ELAPOR2: variants seen among roughly 807,000 people sequenced by gnomAD.
ELAPOR2 encodes the protein endosome-lysosome associated apoptosis and autophagy regulator family member 2.
A neutral mutation model predicts 120.7 loss-of-function variants in ELAPOR2; 89 were observed. The ratio of observed to expected loss-of-function variants is 0.74; its 90% CI spans 0.62 to 0.88. ELAPOR2 has a LOEUF of 0.88. Among genes scored for constraint, ELAPOR2 ranks in the 40% least tolerant of loss-of-function variants. The pLI, the probability that ELAPOR2 is intolerant of heterozygous loss-of-function variation, is 0.00. For synonymous variants in ELAPOR2, 444 were observed against 444.9 expected (o/e 1.00, Z 0.03); for missense variants, 1,134 against 1,251.6 (o/e 0.91, Z 1.42).
chr7:87,049,917 G>T (rs1381812181), intron 1 of ELAPOR2, among the ~76,000 whole-genome samples: 1 of 152,178 alleles, frequency 6.6e-6, no homozygotes, highest in Non-Finnish European at 1.5e-5. Context: ...CCTCATATAT[G>T]GCTGATGGCA....
At chr7:87,046,187 A>C (rs771763027) in intron 1 of ELAPOR2, among the ~76,000 whole-genome samples, 6 of 152,204 alleles carry the variant, frequency 3.9e-5, no homozygotes, top group Non-Finnish European at 7.3e-5. Context: ...AGAAATCAAA[A>C]AAAGTAATCT....
At chr7:86,937,110 A>T (rs1455120104) in intron 8 of ELAPOR2, among the ~76,000 whole-genome samples, 1 of 152,108 alleles carries the variant, frequency 6.6e-6, no homozygotes, top group Non-Finnish European at 1.5e-5. Context: ...TCAGGACCTT[A>T]CTTTACAACT....
intron 21 of ELAPOR2, among the ~76,000 whole-genome samples, chr7:86,880,879 C>T (rs1562892417): frequency 2.0e-5 from 3 of 151,344 alleles, no homozygotes; most frequent in African/African-American, 7.3e-5. Flanking sequence ...CCTAGCCATG[C>T]TAATTGTGGG....
chr7:86,961,665 T>G (rs1791712946), intron 2 of ELAPOR2, among the ~76,000 whole-genome samples: 1 of 152,244 alleles, frequency 6.6e-6, no homozygotes, highest in South Asian at 2.1e-4. Context: ...GCCATTGTTC[T>G]TCAAGAATAA....
At position 87,040,366 on chromosome 7, in the gene ELAPOR2, T is replaced by G. The variant is rs928802740; in HGVS notation, c.189+18959A>C. 1.3e-4 allele frequency among the ~76,000 whole-genome samples: 20 copies of G among 152,286 alleles called. 1 individual carries two copies. In the South Asian group the frequency reaches 2.7e-3, roughly 21 times the overall value. ...GCAGTAACCTCTGCAGACTTAAATG[T>G]CCCTGTCTGACAGCTTTGAAGAGAG... On this transcript the variant is annotated intron_variant, in intron 1 of 21. Transcript: ENST00000450689.
chr7:87,011,160 CG>C (rs1178825203), intron 1 of ELAPOR2, among the ~76,000 whole-genome samples: 1 of 145,700 alleles, frequency 6.9e-6, no homozygotes, highest in Non-Finnish European at 1.5e-5. Context: ...CCCAGCTACT[CG>C]GGAGGCTGAG....
intron 1 of ELAPOR2, among the ~76,000 whole-genome samples, chr7:87,044,654 C>A (rs1326463266): frequency 6.6e-6 from 1 of 151,946 alleles, no homozygotes; most frequent in Non-Finnish European, 1.5e-5. Context: ...CATAAAAACC[C>A]TAGAAGAAAA....
chr7:87,035,083 G>T (rs529130784), intron 1 of ELAPOR2, among the ~76,000 whole-genome samples: 1 of 140,578 alleles, frequency 7.1e-6, no homozygotes, highest in Non-Finnish European at 1.5e-5. Flanking sequence ...GTGAAACTCC[G>T]TCTCAAAAAA....
Position 86,880,262 on chromosome 7 carries a change from C to T in ELAPOR2, c.*209G>A, listed in dbSNP as rs988850023. 4 of 578,270 alleles carry T rather than the reference C, an allele frequency of 6.9e-6. No individual in the cohort carries two copies. The highest frequency in any genetic ancestry group is 2.2e-5 in the South Asian group (1 of 44,620). 35.8% of individuals were successfully genotyped at this position (578,270 alleles called of 1,614,324 possible). On this transcript the variant is annotated 3_prime_UTR_variant, in exon 22 of 22. Transcript: ENST00000450689. Reference sequence around the variant, plus strand: ...GTTGAGCTTCATCTTCAGTTGAGACCCAAATCATTTGCTTTCCTTTATTTG... The same window carrying T: ...GTTGAGCTTCATCTTCAGTTGAGACTCAAATCATTTGCTTTCCTTTATTTG...
At chr7:86,905,246 A>C (rs1304935610) in intron 18 of ELAPOR2, among the ~76,000 whole-genome samples, 1 of 151,578 alleles carries the variant, frequency 6.6e-6, no homozygotes, top group Non-Finnish European at 1.5e-5. Flanking sequence ...CTCTTAAAAA[A>C]TAGCCTGAGA....
chr7:86,932,190 G>A (rs191076379), intron 8 of ELAPOR2, among the ~76,000 whole-genome samples: 1 of 152,056 alleles, frequency 6.6e-6, no homozygotes, highest in Admixed American at 6.6e-5. Flanking sequence ...ATTACAGTGA[G>A]CATCTTGCAA....
chr7:87,033,335 C>G lies in ELAPOR2; in HGVS notation c.189+25990G>C, dbSNP rs190504420. On this transcript the variant is annotated intron_variant, in intron 1 of 21. Transcript: ENST00000450689. ...AAATGGAACTTGTTATCAAAAAAAT[C>G]GAAGATAATTAACTGACAAAACGTT... 2.0e-5 allele frequency among the ~76,000 whole-genome samples: 3 copies of G among 152,084 alleles called. No homozygotes were observed. The South Asian group carries it at 6.2e-4, about 32-fold the overall frequency.
chr7:86,893,101 C>A lies in ELAPOR2; in HGVS notation c.2686-1G>T. On this transcript the variant is annotated splice_acceptor_variant, in intron 19 of 21. Transcript: ENST00000450689. LOFTEE classifies it high-confidence loss of function. ...GTTCATTCCACACATACAAGGTTTC[C>A]TTTAAAAAAAAAAACATAAAACCAT... The A allele has an allele frequency of 6.6e-7, 1 of 1,521,202 alleles. No individual in the cohort carries two copies. Among genetic ancestry groups the A allele is most frequent in the Non-Finnish European group, 8.7e-7 (1 of 1,145,154 alleles). The allele number at this position is 1,521,202 out of a possible 1,614,324, so 94.2% of individuals were successfully genotyped here.
intron 21 of ELAPOR2, among the ~76,000 whole-genome samples, chr7:86,882,504 G>A (rs1799459972): frequency 6.6e-6 from 1 of 152,168 alleles, no homozygotes; most frequent in Admixed American, 6.6e-5. Flanking sequence ...TAATAGCCCT[G>A]TCCTCTGCAT....
chr7:87,042,638 A>C (rs1417455770), intron 1 of ELAPOR2, among the ~76,000 whole-genome samples: 1 of 152,158 alleles, frequency 6.6e-6, no homozygotes, highest in East Asian at 1.9e-4. Context: ...TACAGCACTA[A>C]ATGCCCACAA....
intron 1 of ELAPOR2, among the ~76,000 whole-genome samples, chr7:87,044,923 C>G (rs1794901638): frequency 6.8e-6 from 1 of 147,140 alleles, no homozygotes; most frequent in Non-Finnish European, 1.5e-5. Flanking sequence ...AAAAAACAAA[C>G]AACCCCATCA....
chr7:86,887,806 T>C (rs534060224), intron 21 of ELAPOR2, among the ~76,000 whole-genome samples: 7 of 152,220 alleles, frequency 4.6e-5, no homozygotes, highest in African/African-American at 1.7e-4. Context: ...TCATCAAATA[T>C]GGCTGCCCAT....
chr7:86,888,090 T>A (rs1180383547), intron 21 of ELAPOR2, among the ~76,000 whole-genome samples: 1 of 151,988 alleles, frequency 6.6e-6, no homozygotes, highest in Non-Finnish European at 1.5e-5. Flanking sequence ...ACCACCTGTA[T>A]TGTTGCTTTG....
At chr7:87,049,195 A>G (rs1795033424) in intron 1 of ELAPOR2, among the ~76,000 whole-genome samples, 1 of 152,244 alleles carries the variant, frequency 6.6e-6, no homozygotes, top group African/African-American at 2.4e-5. Context: ...TAATTAAAAT[A>G]TACATTATTA....
Sources: gnomAD v4.1 joint callset for allele counts (sites outside exome capture counted in the v4.1 genomes callset) on GRCh38, gnomAD v4.1.1 for gene constraint, MANE v1.5 for transcripts, NCBI Gene and HGNC (gene_info 2026-07-23, HGNC 2026-07-21) for gene names.